The following STK32B variants were observed in gnomAD, a reference collection of about 807,000 sequenced individuals.
STK32B encodes serine/threonine-protein kinase 32B.
Under a neutral mutation model 52.6 loss-of-function variants are expected in STK32B, and 43 were observed. The ratio of observed to expected loss-of-function variants is 0.82; its 90% CI spans 0.64 to 1.05. The LOEUF is 1.05. STK32B is among the 50% of genes least tolerant of loss of function. STK32B has a pLI of 0.00. For missense variants in STK32B, 621 were observed against 534.6 expected (o/e 1.16, Z -1.59); for synonymous variants, 238 against 204.3 (o/e 1.17, Z -1.41).
At chr4:5,459,583 C>T (rs1716870548) in intron 8 of STK32B, among the ~76,000 whole-genome samples, 1 of 152,312 alleles carries the variant, frequency 6.6e-6, no homozygotes, top group South Asian at 2.1e-4. Context: ...TCTTATGCTA[C>T]CTCACTCCTT....
chr4:5,327,661 T>C (rs970080033), intron 3 of STK32B, among the ~76,000 whole-genome samples: 9 of 152,116 alleles, frequency 5.9e-5, no homozygotes, highest in East Asian at 5.8e-4. Context: ...ATTCCACTTA[T>C]AGAACACAGG....
At chr4:5,088,373 A>G (rs570920335) in intron 1 of STK32B, among the ~76,000 whole-genome samples, 2 of 152,138 alleles carry the variant, frequency 1.3e-5, no homozygotes, top group Admixed American at 1.3e-4. Flanking sequence ...GTTAAAAAGA[A>G]TGAATGAGGC....
chr4:5,336,249 A>G (rs992411589), intron 4 of STK32B, among the ~76,000 whole-genome samples: 1 of 151,356 alleles, frequency 6.6e-6, no homozygotes. Context: ...AGTGATTTCA[A>G]TGGGAATGTG....
At chr4:5,187,740 A>G (rs996473599) in intron 3 of STK32B, among the ~76,000 whole-genome samples, 5 of 152,172 alleles carry the variant, frequency 3.3e-5, no homozygotes, top group African/African-American at 1.2e-4. Context: ...AAGATTTAGC[A>G]TTTGATTATG....
intron 3 of STK32B, among the ~76,000 whole-genome samples, chr4:5,257,680 C>T (rs976350037): frequency 3.3e-5 from 5 of 152,216 alleles, no homozygotes; most frequent in Non-Finnish European, 7.3e-5. Context: ...GTGGCTCAAG[C>T]CTGTGTAATC....
chr4:5,199,431 A>C (rs1358432686), intron 3 of STK32B, among the ~76,000 whole-genome samples: 1 of 151,234 alleles, frequency 6.6e-6, no homozygotes, highest in Non-Finnish European at 1.5e-5. Flanking sequence ...TTGGTGCCTT[A>C]TGTGGCTTTG....
intron 4 of STK32B, among the ~76,000 whole-genome samples, chr4:5,351,656 A>T (rs1172809957): frequency 6.6e-6 from 1 of 152,068 alleles, no homozygotes; most frequent in Non-Finnish European, 1.5e-5. Flanking sequence ...ACAAATACAA[A>T]TGATCAACAA....
intron 6 of STK32B, among the ~76,000 whole-genome samples, chr4:5,440,615 AC>A (rs1158627036): frequency 1.3e-5 from 2 of 152,022 alleles, no homozygotes; most frequent in Admixed American, 1.3e-4. Flanking sequence ...CTGCCTAATT[AC>A]CCTGGCCAGA....
At chr4:5,349,389 T>C (rs930951255) in intron 4 of STK32B, among the ~76,000 whole-genome samples, 1 of 152,048 alleles carries the variant, frequency 6.6e-6, no homozygotes, top group Non-Finnish European at 1.5e-5. Context: ...GTTTTATACC[T>C]GAAGAAACCA....
the STK32B span, among the ~76,000 whole-genome samples, chr4:5,042,588 G>A: frequency 2.0e-5 from 3 of 152,306 alleles, no homozygotes; most frequent in East Asian, 5.8e-4. Flanking sequence ...AAGAGCCATG[G>A]CTCGCATTTC....
intron 3 of STK32B, among the ~76,000 whole-genome samples, chr4:5,278,865 G>C (rs1403418384): frequency 6.6e-6 from 1 of 152,080 alleles, no homozygotes; most frequent in Non-Finnish European, 1.5e-5. Context: ...AGAGCAAATG[G>C]GGAAGCACTA....
At chr4:5,159,665 A>C (rs1378437763) in intron 2 of STK32B, among the ~76,000 whole-genome samples, 3 of 66,822 alleles carry the variant, frequency 4.5e-5, no homozygotes, top group Non-Finnish European at 6.0e-5. Context: ...ATATATATGA[A>C]TGTATATGAA....
At chr4:5,255,170 A>G (rs1201746582) in intron 3 of STK32B, among the ~76,000 whole-genome samples, 1 of 152,174 alleles carries the variant, frequency 6.6e-6, no homozygotes, top group Non-Finnish European at 1.5e-5. Context: ...TAAATGCTCT[A>G]AAGGAAATGA....
At chr4:5,463,504 A>G (rs529863119) in intron 9 of STK32B, among the ~76,000 whole-genome samples, 112 of 152,174 alleles carry the variant, frequency 7.4e-4, no homozygotes, top group Non-Finnish European at 1.4e-3. Context: ...ATAGACACAC[A>G]TGCACACTCA....
chr4:5,188,790 T>C (rs889129216), intron 3 of STK32B, among the ~76,000 whole-genome samples: 11 of 148,062 alleles, frequency 7.4e-5, no homozygotes, highest in African/African-American at 2.5e-4. Flanking sequence ...TTTTTTTTTT[T>C]CTAAGAAGAC....
intron 11 of STK32B, among the ~76,000 whole-genome samples, chr4:5,491,097 G>C (rs1415270134): frequency 1.3e-5 from 2 of 152,196 alleles, no homozygotes; most frequent in Admixed American, 1.3e-4. Context: ...CCAGTAATGG[G>C]ATGGCTGGGT....
At chr4:5,189,509 A>G (rs892456543) in intron 3 of STK32B, among the ~76,000 whole-genome samples, 61 of 152,284 alleles carry the variant, frequency 4.0e-4, no homozygotes, top group African/African-American at 1.4e-3. Context: ...AGTGACAAGT[A>G]ATATTCCATT....
chr4:5,173,650 T>G (rs976998240), intron 3 of STK32B, among the ~76,000 whole-genome samples: 4 of 152,248 alleles, frequency 2.6e-5, no homozygotes, highest in African/African-American at 7.2e-5. Context: ...CTAGTTTGAT[T>G]GCACTGTGGT....
chr4:5,379,020 G>A (rs1735759073), intron 4 of STK32B, among the ~76,000 whole-genome samples: 3 of 152,064 alleles, frequency 2.0e-5, no homozygotes, highest in African/African-American at 7.2e-5. Flanking sequence ...AGAGATTCCA[G>A]GGTCAACACT....
Sources: gnomAD v4.1 joint callset for allele counts (sites outside exome capture counted in the v4.1 genomes callset) on GRCh38, gnomAD v4.1.1 for gene constraint, MANE v1.5 for transcripts, NCBI Gene and HGNC (gene_info 2026-07-23, HGNC 2026-07-21) for gene names.